Variants in ACACA observed in about 807,000 individuals in gnomAD.
ACACA encodes acetyl-CoA carboxylase 1.
ACACA carries 103 observed loss-of-function variants against 296.1 expected under a neutral mutation model. The ratio of observed to expected loss-of-function variants is 0.35; its 90% CI spans 0.30 to 0.41. The LOEUF is 0.41. Among genes scored for constraint, ACACA ranks in the 10% least tolerant of loss-of-function variants. The pLI, the probability that ACACA is intolerant of heterozygous loss-of-function variation, is 1.00. For missense variants in ACACA, 1,554 were observed against 2,989.7 expected, an observed-to-expected ratio of 0.52 and a Z score of 11.20; for synonymous variants, 953 against 1,038.6, an observed-to-expected ratio of 0.92 and a Z score of 1.58.
intron 3 of ACACA, among the ~76,000 whole-genome samples, chr17:37,311,532 T>A (rs1482177815): frequency 6.6e-6 from 1 of 152,156 alleles, no homozygotes; most frequent in Admixed American, 6.6e-5. Flanking sequence ...CTAGATAGTC[T>A]CTATTTTCTT....
intron 39 of ACACA, among the ~76,000 whole-genome samples, chr17:37,182,423 T>G (rs1314016832): frequency 2.6e-5 from 4 of 152,134 alleles, no homozygotes; most frequent in African/African-American, 7.2e-5. Flanking sequence ...GCTCCTGCAA[T>G]ACCTATATTG....
chr17:37,283,229 G>A, intron 5 of ACACA, 38 bp downstream of exon 5: 1 of 1,613,426 alleles, frequency 6.2e-7, no homozygotes, highest in Non-Finnish European at 8.5e-7. Context: ...CCATGTTTTA[G>A]TTTTGAGAGT....
chr17:37,167,119 A>ATTTTTTTTT (rs11290127), intron 41 of ACACA, among the ~76,000 whole-genome samples: 2 of 101,350 alleles, frequency 2.0e-5, no homozygotes, highest in East Asian at 2.6e-4. Context: ...TAATTTTTGC[A>ATTTTTTTTT]TTTTTTTTTT....
At chr17:37,308,720 T>C (rs1011516471) in intron 3 of ACACA, among the ~76,000 whole-genome samples, 5 of 152,118 alleles carry the variant, frequency 3.3e-5, no homozygotes, top group African/African-American at 4.8e-5. Context: ...GGTGGATCAT[T>C]TGAGGTCAGG....
intron 45 of ACACA, among the ~76,000 whole-genome samples, chr17:37,132,690 T>C (rs1030536718): frequency 6.6e-6 from 1 of 152,132 alleles, no homozygotes; most frequent in African/African-American, 2.4e-5. Context: ...TTTCTTCCTA[T>C]CTCTAATACC....
In ACACA at chr17:37,223,618, C is replaced by A; in HGVS notation, c.3475-17G>T. 1 of 1,535,592 alleles carries A rather than the reference C, an allele frequency of 6.5e-7. No individual in the cohort carries two copies. Among genetic ancestry groups the A allele is most frequent in the Non-Finnish European group, 9.0e-7 (1 of 1,108,816 alleles). Reference sequence around the variant, plus strand: ...GATGAGTTTCTAGAAGATACAAAGACAGGCTTAAGCCTTACATCAAAAGGA... The same window carrying A: ...GATGAGTTTCTAGAAGATACAAAGAAAGGCTTAAGCCTTACATCAAAAGGA... On this transcript the variant is annotated splice_polypyrimidine_tract_variant and intron_variant, in intron 27 of 55. Transcript: ENST00000616317.
intron 47 of ACACA, among the ~76,000 whole-genome samples, chr17:37,126,600 G>A (rs1456328463): frequency 2.0e-5 from 3 of 152,082 alleles, no homozygotes; most frequent in Admixed American, 6.5e-5. Flanking sequence ...CTCAGCTCAC[G>A]GTTTTCAGTG....
chr17:37,330,959 G>A (rs2047849171), intron 2 of ACACA, among the ~76,000 whole-genome samples: 1 of 152,062 alleles, frequency 6.6e-6, no homozygotes, highest in Non-Finnish European at 1.5e-5. Flanking sequence ...CACCCATACA[G>A]CATGCAGTAC....
At chr17:37,395,182 C>A (rs2051035502) in intron 1 of ACACA, among the ~76,000 whole-genome samples, 1 of 151,970 alleles carries the variant, frequency 6.6e-6, no homozygotes, top group African/African-American at 2.4e-5. Context: ...GTAATCCTTG[C>A]ATTTTGGGAG....
chr17:37,105,870 A>AGGGGG (rs2073655662), intron 52 of ACACA, among the ~76,000 whole-genome samples: 2 of 151,776 alleles, frequency 1.3e-5, no homozygotes, highest in Non-Finnish European at 2.9e-5. Flanking sequence ...GTCTCAAAAA[A>AGGGGG]AAAAAAAAAA....
chr17:37,401,045 TG>T (rs2051267337), intron 1 of ACACA, among the ~76,000 whole-genome samples: 1 of 152,324 alleles, frequency 6.6e-6, no homozygotes, highest in Non-Finnish European at 1.5e-5. Flanking sequence ...TCCTTGCCAA[TG>T]CTTATCTCGC....
chr17:37,396,499 C>T (rs547950053), intron 1 of ACACA, among the ~76,000 whole-genome samples: 1 of 152,200 alleles, frequency 6.6e-6, no homozygotes, highest in South Asian at 2.1e-4. Context: ...AACATCCTTC[C>T]TTTTCTGTAC....
At chr17:37,239,552 T>A (rs1400011935) in intron 24 of ACACA, among the ~76,000 whole-genome samples, 1 of 152,220 alleles carries the variant, frequency 6.6e-6, no homozygotes, top group African/African-American at 2.4e-5. Flanking sequence ...ATTTCACTCC[T>A]AGTTTCCAAG....
At chr17:37,202,691 A>ATG (rs2078311060) in intron 33 of ACACA, among the ~76,000 whole-genome samples, 1 of 16,728 alleles carries the variant, frequency 6.0e-5, no homozygotes, top group Non-Finnish European at 1.0e-4. Context: ...ATATATATAT[A>ATG]TATATATATA....
chr17:37,371,620 C>T (rs2049809531), intron 1 of ACACA, among the ~76,000 whole-genome samples: 1 of 152,080 alleles, frequency 6.6e-6, no homozygotes, highest in Non-Finnish European at 1.5e-5. Flanking sequence ...ACGGCCGCGG[C>T]CAGGCCGAGT....
intron 1 of ACACA, chr17:37,387,733 A>G (rs541012870): frequency 1.3e-5 from 2 of 152,322 alleles, no homozygotes; most frequent in South Asian, 4.1e-4. Flanking sequence ...GGCATGAGCC[A>G]CCGCACACAG....
At chr17:37,385,907 AAT>A in intron 1 of ACACA, 1 of 748,534 alleles carries the variant, frequency 1.3e-6, no homozygotes, top group East Asian at 2.7e-5. Flanking sequence ...ATGGGACCAC[AAT>A]TGGAAGTTTA....
intron 2 of ACACA, among the ~76,000 whole-genome samples, 178 bp downstream of exon 2, chr17:37,339,626 G>C (rs1466432661): frequency 6.6e-6 from 1 of 152,206 alleles, no homozygotes; most frequent in Non-Finnish European, 1.5e-5. Context: ...GAATTAAAGA[G>C]AGAATACAGT....
chr17:37,127,627 C>T (rs779851377), intron 47 of ACACA, among the ~76,000 whole-genome samples: 17 of 152,062 alleles, frequency 1.1e-4, no homozygotes, highest in African/African-American at 1.7e-4. Flanking sequence ...TTTGAGATCA[C>T]AAGGTCAAGA....
Sources: allele counts gnomAD v4.1 joint callset (sites outside exome capture counted in the v4.1 genomes callset), GRCh38; gene constraint gnomAD v4.1.1; transcripts MANE v1.5; gene names NCBI Gene and HGNC (gene_info 2026-07-23, HGNC 2026-07-21).